THEM4: variants seen among roughly 807,000 people sequenced by gnomAD.
The protein encoded by THEM4 is thioesterase superfamily member 4, also known as acyl-coenzyme A thioesterase THEM4.
THEM4 carries 22 observed loss-of-function variants against 25.0 expected under a neutral mutation model. That is an observed-to-expected ratio of 0.88 (90% CI 0.63 to 1.26). THEM4 has a LOEUF of 1.26. Ranked by LOEUF, THEM4 falls within the 50% of genes most tolerant of loss-of-function variation. The pLI is 0.00. For missense variants in THEM4, 286 were observed against 300.3 expected (o/e 0.95, Z 0.35); for synonymous variants, 113 against 105.6 (o/e 1.07, Z -0.43).
At chr1:151,888,208 G>C (rs1197323251) in intron 4 of THEM4, 65 bp downstream of exon 4, 1 of 1,292,514 alleles carries the variant, frequency 7.7e-7, no homozygotes, top group Non-Finnish European at 1.1e-6. Flanking sequence ...ATGGTGTCAA[G>C]ATCTGCAACT....
intron 1 of THEM4, among the ~76,000 whole-genome samples, chr1:151,902,137 T>C (rs1244809145): frequency 6.6e-6 from 1 of 152,230 alleles, no homozygotes; most frequent in Admixed American, 6.5e-5. Flanking sequence ...CAGTAGATGT[T>C]GCTGTGGATG....
intron 1 of THEM4, among the ~76,000 whole-genome samples, chr1:151,906,518 G>A (rs1288906987): frequency 1.3e-5 from 2 of 152,244 alleles, no homozygotes; most frequent in Non-Finnish European, 2.9e-5. Context: ...GCTGAGGAGT[G>A]TGGGCACACA....
chr1:151,885,298 T>C (rs1238953407), intron 4 of THEM4, among the ~76,000 whole-genome samples: 2 of 152,194 alleles, frequency 1.3e-5, no homozygotes, highest in East Asian at 3.9e-4. Flanking sequence ...TCTGTATTTT[T>C]AGTAAAGTCA....
intron 5 of THEM4, among the ~76,000 whole-genome samples, 195 bp from the exon 6 acceptor site, chr1:151,875,123 G>A (rs1653645383): frequency 6.6e-6 from 1 of 152,048 alleles, no homozygotes; most frequent in Admixed American, 6.6e-5. Context: ...CTTCTCCCTG[G>A]GTAACCAGGT....
chr1:151,887,512 A>G (rs1653999007), intron 4 of THEM4, among the ~76,000 whole-genome samples: 1 of 152,138 alleles, frequency 6.6e-6, no homozygotes, highest in Non-Finnish European at 1.5e-5. Context: ...TTAACCAAAG[A>G]GCAAAAGTCT....
chr1:151,898,873 C>A (rs930056649), intron 1 of THEM4, among the ~76,000 whole-genome samples: 1 of 152,228 alleles, frequency 6.6e-6, no homozygotes, highest in Non-Finnish European at 1.5e-5. Flanking sequence ...GCCACATCCA[C>A]AGGAAAAGGG....
intron 5 of THEM4, 78 bp downstream of exon 5, chr1:151,876,923 C>T (rs1653694589): frequency 6.8e-7 from 1 of 1,471,104 alleles, no homozygotes; most frequent in African/African-American, 1.5e-5. Context: ...AAACCCAAAT[C>T]AACCAACCAA....
intron 1 of THEM4, among the ~76,000 whole-genome samples, chr1:151,900,072 C>T (rs949199629): frequency 5.3e-5 from 8 of 152,104 alleles, no homozygotes; most frequent in African/African-American, 1.9e-4. Context: ...CATATATGAA[C>T]GAAAGATACA....
Position 151,895,107 on chromosome 1 carries a change from G to C in THEM4, c.187C>G (p.Gln63Glu). 1 of 1,614,050 alleles carries C rather than the reference G, an allele frequency of 6.2e-7. No individual in the cohort carries two copies. Reference sequence around the variant, plus strand: ...CCGTCTTCACATTTCTTCATAAACTGGTCAAAGAGCAGTCTTAGGTCCTTG... The same window carrying C: ...CCGTCTTCACATTTCTTCATAAACTCGTCAAAGAGCAGTCTTAGGTCCTTG... ...WNKDLRLLFD[Q>E]FMKKCEDGSW... Residue 63 changes from glutamine to glutamate, a missense_variant, in exon 2 of 6, where the codon CAG (glutamine) becomes GAG (glutamate). Gln to Glu is a conservative substitution (Grantham distance 29, BLOSUM62 2). Transcript: ENST00000368814.
intron 4 of THEM4, among the ~76,000 whole-genome samples, chr1:151,879,947 T>C (rs989546884): frequency 6.6e-6 from 1 of 152,072 alleles, no homozygotes; most frequent in African/African-American, 2.4e-5. Context: ...TGAGCCACCG[T>C]GCCTGGCCTA....
intron 1 of THEM4, among the ~76,000 whole-genome samples, chr1:151,906,322 G>A (rs898559397): frequency 3.9e-5 from 6 of 152,374 alleles, no homozygotes; most frequent in Non-Finnish European, 5.9e-5. Context: ...CAGCAGTGCC[G>A]GCCCACTGGC....
At chr1:151,883,936 A>T (rs1018300467) in intron 4 of THEM4, among the ~76,000 whole-genome samples, 2 of 151,514 alleles carry the variant, frequency 1.3e-5, no homozygotes, top group Non-Finnish European at 2.9e-5. Context: ...TTAGCCGGGT[A>T]TGGTGGCCTA....
At chr1:151,908,415 T>C (rs1558196345) in intron 1 of THEM4, among the ~76,000 whole-genome samples, 1 of 152,228 alleles carries the variant, frequency 6.6e-6, no homozygotes, top group Non-Finnish European at 1.5e-5. Context: ...AGATTCATCC[T>C]GGCTTAGGGA....
chr1:151,884,985 C>A (rs558220741), intron 4 of THEM4, among the ~76,000 whole-genome samples: 1 of 152,054 alleles, frequency 6.6e-6, no homozygotes, highest in South Asian at 2.1e-4. Context: ...CCATGCCCGG[C>A]CTACAATCTC....
rs1653546716 is a variant in THEM4, at chr1:151,871,222, G to A, written c.*3666C>T. Among the ~76,000 whole-genome samples the A allele has an allele frequency of 6.6e-6, 1 of 151,836 alleles. No homozygotes were observed. The highest frequency in any genetic ancestry group is 1.5e-5 in the Non-Finnish European group (1 of 67,986). On this transcript the variant is annotated 3_prime_UTR_variant, in exon 6 of 6. Coordinates refer to ENST00000368814, the MANE Select transcript of THEM4 (RefSeq NM_053055.5). ...TGCCTATAGTCCCAGCTACTTGGGA[G>A]GCTGAGGCAGGAGAATCGCTTGAAC...
Position 151,874,068 on chromosome 1 carries a change from A to G in THEM4, c.*820T>C, listed in dbSNP as rs1352124141. The stretch of plus-strand genomic sequence containing the variant: ...GTACAGCCTGGGTTAAAAATGGCAC[A>G]GTGGTTTAATCTCTAGAATCTCAGA... On this transcript the variant is annotated 3_prime_UTR_variant, in exon 6 of 6. Transcript: ENST00000368814. 1 of 152,248 alleles carries G rather than the reference A, an allele frequency of 6.6e-6. No homozygotes were observed. Among genetic ancestry groups the G allele is most frequent in the Non-Finnish European group, 1.5e-5 (1 of 68,060 alleles). The allele number at this position is 152,248 out of a possible 1,614,324, so 9.4% of individuals were successfully genotyped here.
At chr1:151,896,894 T>C (rs914780099) in intron 1 of THEM4, among the ~76,000 whole-genome samples, 19 of 152,008 alleles carry the variant, frequency 1.2e-4, no homozygotes, top group Non-Finnish European at 2.6e-4. Context: ...TGCAGTGAGG[T>C]GAATGACAGA....
Position 151,909,473 on chromosome 1 carries a change from G to A in THEM4, c.-15C>T. On this transcript the variant is annotated 5_prime_UTR_variant, in exon 1 of 6. Coordinates refer to ENST00000368814, the MANE Select transcript of THEM4 (RefSeq NM_053055.5). ...CTCCTCAGCATGGCTCCGGGCCGCG[G>A]GGCCGCGCTTGCTCTAGCCCTGGAC... 2 of 1,376,566 alleles carry A rather than the reference G, an allele frequency of 1.5e-6. No homozygotes were observed. The highest frequency in any genetic ancestry group is 1.9e-6 in the Non-Finnish European group (2 of 1,073,692). 85.3% of individuals were successfully genotyped at this position (1,376,566 alleles called of 1,614,324 possible). A position where few individuals can be genotyped will look rare whatever the true frequency, so the allele number is the denominator to read the frequency against.
In THEM4 at chr1:151,881,111, T is replaced by C. The variant is rs566209543; in HGVS notation, c.558-3986A>G. 9.2e-5 allele frequency among the ~76,000 whole-genome samples: 14 copies of C among 152,306 alleles called. No homozygotes were observed. The East Asian group carries it at 1.3e-3, about 15-fold the overall frequency. On this transcript the variant is annotated intron_variant, in intron 4 of 5. Transcript: ENST00000368814. The stretch of plus-strand genomic sequence containing the variant: ...CTCCTCCCAAACTACATGCTATTGT[T>C]ATCCAGTATTTTAGCTGTCCTTTTG...
Sources: allele counts gnomAD v4.1 joint callset (sites outside exome capture counted in the v4.1 genomes callset), GRCh38; gene constraint gnomAD v4.1.1; transcripts MANE v1.5; gene names NCBI Gene and HGNC (gene_info 2026-07-23, HGNC 2026-07-21).